Variants in PITPNM2 observed in about 807,000 individuals in gnomAD.
PITPNM2 encodes membrane-associated phosphatidylinositol transfer protein 2.
PITPNM2 carries 35 observed loss-of-function variants against 132.2 expected under a neutral mutation model. The ratio of observed to expected loss-of-function variants is 0.26; its 90% CI spans 0.20 to 0.35. PITPNM2 has a LOEUF of 0.35. Among genes scored for constraint, PITPNM2 ranks in the 10% least tolerant of loss-of-function variants. The pLI, the probability that PITPNM2 is intolerant of heterozygous loss-of-function variation, is 1.00. For missense variants in PITPNM2, 1,332 were observed against 1,912.0 expected (o/e 0.70, Z 5.66); for synonymous variants, 738 against 799.2 (o/e 0.92, Z 1.29).
Position 123,012,469 on chromosome 12 carries a change from T to C in PITPNM2, c.415+144A>G, listed in dbSNP as rs542074539. The C allele has an allele frequency of 1.3e-5, 14 of 1,096,756 alleles. 1 individual carries two copies. Among genetic ancestry groups the C allele is most frequent in the Non-Finnish European group, 1.6e-5 (12 of 762,434 alleles). 67.9% of individuals were successfully genotyped at this position (1,096,756 alleles called of 1,614,324 possible). On this transcript the variant is annotated intron_variant, in intron 5 of 25. Coordinates refer to ENST00000320201, the MANE Select transcript of PITPNM2 (RefSeq NM_020845.3). The stretch of plus-strand genomic sequence containing the variant: ...TGCCCTGCCTCCCCCATGGGCCCCA[T>C]GCTTGCTCCAACTCTGACCTGCCTG...
At chr12:123,121,191 G>A (rs1044130440) in intron 1 of PITPNM2, among the ~76,000 whole-genome samples, 1 of 152,210 alleles carries the variant, frequency 6.6e-6, no homozygotes, top group Admixed American at 6.5e-5. Context: ...ATGAGAACAT[G>A]GCTAATGGGC....
intron 2 of PITPNM2, among the ~76,000 whole-genome samples, chr12:123,075,408 G>T (rs965893064): frequency 6.6e-6 from 1 of 152,210 alleles, no homozygotes; most frequent in Non-Finnish European, 1.5e-5. Flanking sequence ...AGCACAGCCT[G>T]GGTGGTGGAT....
At chr12:123,070,392 T>C (rs1401373666) in intron 2 of PITPNM2, among the ~76,000 whole-genome samples, 2 of 152,146 alleles carry the variant, frequency 1.3e-5, no homozygotes, top group African/African-American at 4.8e-5. Flanking sequence ...CCCAGGACCG[T>C]GTGGGCAATG....
At position 123,095,735 on chromosome 12, in the gene PITPNM2, C is replaced by A. The variant is rs2042393145; in HGVS notation, c.-96+14650G>T. 6.6e-6 allele frequency among the ~76,000 whole-genome samples: 1 copy of A among 152,220 alleles called. No homozygotes were observed. On this transcript the variant is annotated intron_variant, in intron 2 of 25. Transcript: ENST00000320201. This position sits in a 1 kb window ranked among gnomAD's most constrained non-coding sequence, Gnocchi z 5.0. ...ACAGGAGCCCATGGGGCTCCTCCTG[C>A]CTCGGGGCCATTGTGAAGGCGGTTC...
rs2037826828 is a variant in PITPNM2, at chr12:122,983,898, A to AT, written c.*2128dup. ...CAGCTCAGCACCCAACTCTGTAAAC[A>AT]TTTTTGGTATTTTTAAAGGACGCTG... is the stretch of plus-strand genomic sequence containing the variant. On this transcript the variant is annotated 3_prime_UTR_variant, in exon 26 of 26. Transcript: ENST00000320201. 1 of 152,598 alleles carries AT rather than the reference A, an allele frequency of 6.6e-6. No individual in the cohort carries two copies. The highest frequency in any genetic ancestry group is 1.5e-5 in the Non-Finnish European group (1 of 68,034). The allele number at this position is 152,598 out of a possible 1,614,324, so 9.5% of individuals were successfully genotyped here. A position where few individuals can be genotyped will look rare whatever the true frequency, so the allele number is the denominator to read the frequency against.
At chr12:123,042,566 C>T (rs2040524817) in intron 2 of PITPNM2, among the ~76,000 whole-genome samples, 1 of 152,162 alleles carries the variant, frequency 6.6e-6, no homozygotes, top group Admixed American at 6.5e-5. Context: ...GCCAAGCCAG[C>T]GGGAGCCCCG....
At chr12:123,016,622 C>A (rs1302523814) in intron 3 of PITPNM2, among the ~76,000 whole-genome samples, 1 of 151,962 alleles carries the variant, frequency 6.6e-6, no homozygotes, top group African/African-American at 2.4e-5. Flanking sequence ...AATGAGATAG[C>A]ACCTCACACC....
In PITPNM2 at chr12:123,046,090, A is replaced by G. The variant is rs774395758; in HGVS notation, c.-95-11405T>C. 3.3e-5 allele frequency among the ~76,000 whole-genome samples: 5 copies of G among 152,276 alleles called. No individual in the cohort carries two copies. In the East Asian group the frequency reaches 9.6e-4, roughly 29 times the overall value. ...AGACACAGATGCCAGGGCAGCTAAC[A>G]GTCAGAGACTTAGTCCCCACCCCGA... is the stretch of plus-strand genomic sequence containing the variant. On this transcript the variant is annotated intron_variant, in intron 2 of 25. Transcript: ENST00000320201.
chr12:123,111,101 G>A lies in PITPNM2; in HGVS notation c.-199-613C>T, dbSNP rs187216983. Among the ~76,000 whole-genome samples, 3 of 152,304 alleles carry A rather than the reference G, an allele frequency of 2.0e-5. No homozygotes were observed. The highest frequency in any genetic ancestry group is 6.5e-5 in the Admixed American group (1 of 15,300). ...TGGAGAAATGGATTTCCAAAGAGTC[G>A]CAGGTCCAACAGCCTCAGAGATGAC... On this transcript the variant is annotated intron_variant, in intron 1 of 25. Transcript: ENST00000320201. This position sits in a 1 kb window ranked among gnomAD's most constrained non-coding sequence, Gnocchi z 4.1.
At chr12:123,065,943 T>C (rs565508701) in intron 2 of PITPNM2, among the ~76,000 whole-genome samples, 64 of 152,318 alleles carry the variant, frequency 4.2e-4, no homozygotes, top group African/African-American at 1.4e-3. Flanking sequence ...CAGAGCAAGA[T>C]TGTCTTTCAT....
Position 123,114,751 on chromosome 12 carries a change from T to C in PITPNM2, c.-199-4263A>G, listed in dbSNP as rs990682404. Among the ~76,000 whole-genome samples, 3 of 152,260 alleles carry C rather than the reference T, an allele frequency of 2.0e-5. No homozygotes were observed. The East Asian group carries it at 5.8e-4, about 29-fold the overall frequency. On this transcript the variant is annotated intron_variant, in intron 1 of 25. Transcript: ENST00000320201. Reference sequence around the variant, plus strand: ...AAAGTGGATACTGGTACCTAATTCATAGAATGGCTGAAGAGTCGATGAGCT... The same window carrying C: ...AAAGTGGATACTGGTACCTAATTCACAGAATGGCTGAAGAGTCGATGAGCT...
intron 1 of PITPNM2, among the ~76,000 whole-genome samples, chr12:123,125,994 G>C (rs1054256954): frequency 1.5e-5 from 2 of 132,786 alleles, no homozygotes; most frequent in East Asian, 2.6e-4. Context: ...CTCAGCCTCC[G>C]GAGTAGCTGG....
At chr12:123,107,886 T>C (rs2042754159) in intron 2 of PITPNM2, among the ~76,000 whole-genome samples, 1 of 152,138 alleles carries the variant, frequency 6.6e-6, no homozygotes, top group South Asian at 2.1e-4. Context: ...CTTACTGAAA[T>C]ATTTCAGGGA....
rs1296946192 is a variant in PITPNM2 at position 122,990,710 on chromosome 12, C to CT, written c.2405-2dup. On this transcript the variant is annotated splice_acceptor_variant, in intron 16 of 25. Coordinates refer to ENST00000320201, the MANE Select transcript of PITPNM2 (RefSeq NM_020845.3). LOFTEE classifies it high-confidence loss of function. ...GCATTGTGGGTCTGGAGCACATCCG[C>CT]TGCAGGTGGACAGGGACCAGAGGCC... 1.9e-6 allele frequency: 3 copies of CT among 1,600,644 alleles called. No homozygotes were observed.
chr12:123,067,658 T>C (rs1312376372), intron 2 of PITPNM2, among the ~76,000 whole-genome samples: 1 of 151,956 alleles, frequency 6.6e-6, no homozygotes, highest in Non-Finnish European at 1.5e-5. Context: ...TCAGAGGGAG[T>C]GTGGTCCTGC....
At chr12:123,025,618 G>T (rs2136364961) in intron 3 of PITPNM2, among the ~76,000 whole-genome samples, 1 of 152,124 alleles carries the variant, frequency 6.6e-6, no homozygotes. Flanking sequence ...TTTTACTAGA[G>T]ATGGGGTTTC....
chr12:123,005,133 A>G lies in PITPNM2; in HGVS notation c.952+107T>C, dbSNP rs2038869271. ...GACTCCCTCTGGGCTTGGTGCCTCA[A>G]TGTCCATGGGAAAGAACTCTGAGGA... On this transcript the variant is annotated intron_variant, in intron 7 of 25. Coordinates refer to ENST00000320201, the MANE Select transcript of PITPNM2 (RefSeq NM_020845.3). The surrounding 1 kb of genome is among the most constrained non-coding windows in gnomAD (Gnocchi z 6.2). 2.9e-6 allele frequency: 4 copies of G among 1,359,024 alleles called. No homozygotes were observed. The highest frequency in any genetic ancestry group is 2.9e-5 in the African/African-American group (2 of 68,798). The allele number at this position is 1,359,024 out of a possible 1,614,324, so 84.2% of individuals were successfully genotyped here.
At position 122,992,786 on chromosome 12, in the gene PITPNM2, G is replaced by A; in HGVS notation, c.2234-117C>T. 4.1e-6 allele frequency: 3 copies of A among 726,612 alleles called. No individual in the cohort carries two copies. The highest frequency in any genetic ancestry group is 6.7e-6 in the Non-Finnish European group (3 of 450,060). 45.0% of individuals were successfully genotyped at this position (726,612 alleles called of 1,614,324 possible). Reference sequence around the variant, plus strand: ...TGCTGAAAGTTAGGGATAAGATGGGGGGTGTGTCTCTATCAATTTGGGACC... The same window carrying A: ...TGCTGAAAGTTAGGGATAAGATGGGAGGTGTGTCTCTATCAATTTGGGACC... On this transcript the variant is annotated intron_variant, in intron 15 of 25. Transcript: ENST00000320201. This position sits in a 1 kb window ranked among gnomAD's most constrained non-coding sequence, Gnocchi z 6.5.
chr12:123,026,541 G>A (rs1274454351), intron 3 of PITPNM2, among the ~76,000 whole-genome samples: 1 of 152,394 alleles, frequency 6.6e-6, no homozygotes, highest in South Asian at 2.1e-4. Flanking sequence ...GTGAGAAGGT[G>A]TGTAAGACAG....
Sources: allele counts gnomAD v4.1 joint callset (sites outside exome capture counted in the v4.1 genomes callset), GRCh38; gene constraint gnomAD v4.1.1; non-coding constraint Gnocchi (gnomAD v3.1); transcripts MANE v1.5; gene names NCBI Gene and HGNC (gene_info 2026-07-23, HGNC 2026-07-21).